Variants in SCGB2B2 observed in about 807,000 individuals in gnomAD.
SCGB2B2 encodes the protein secretoglobin-like protein.
Under a neutral mutation model 7.6 loss-of-function variants are expected in SCGB2B2, and 11 were observed. That is an observed-to-expected ratio of 1.45 (90% CI 0.91 to 2.40). SCGB2B2 has a LOEUF of 2.40. Among genes scored for constraint, SCGB2B2 ranks in the 30% most tolerant of loss-of-function variants. The pLI is 0.00. For missense variants in SCGB2B2, 104 were observed against 115.4 expected (o/e 0.90, Z 0.45); for synonymous variants, 50 against 48.6 (o/e 1.03, Z -0.12).
intron 1 of SCGB2B2, among the ~76,000 whole-genome samples, chr19:34,600,929 G>A (rs577673880): frequency 0.058 from 8,798 of 151,920 alleles, 332 homozygotes; most frequent in African/African-American, 0.11. Context: ...GTGTGTGTGT[G>A]TGTGTGTGTG....
chr19:34,627,845 T>C (rs1261917049), intron 1 of SCGB2B2, among the ~76,000 whole-genome samples: 1 of 152,178 alleles, frequency 6.6e-6, no homozygotes, highest in Non-Finnish European at 1.5e-5. Flanking sequence ...ATCGCACTTC[T>C]TCCAAAATTG....
At chr19:34,626,622 C>T (rs1316810282) in intron 1 of SCGB2B2, among the ~76,000 whole-genome samples, 1 of 152,190 alleles carries the variant, frequency 6.6e-6, no homozygotes, top group Non-Finnish European at 1.5e-5. Context: ...AAGACCAAAT[C>T]TATGTCTGAT....
chr19:34,628,555 A>G (rs543403683), intron 1 of SCGB2B2, among the ~76,000 whole-genome samples: 1 of 152,050 alleles, frequency 6.6e-6, no homozygotes, highest in Admixed American at 6.6e-5. Flanking sequence ...CACCCTCCCA[A>G]GACTAAACCG....
downstream of SCGB2B2, among the ~76,000 whole-genome samples, chr19:34,590,430 A>G (rs115351898): frequency 6.5e-3 from 991 of 152,234 alleles, 11 homozygotes; most frequent in African/African-American, 0.023. Flanking sequence ...TCATCTATCC[A>G]TAGATGCATC....
downstream of SCGB2B2, among the ~76,000 whole-genome samples, chr19:34,590,018 C>T (rs188831822): frequency 5.3e-5 from 8 of 152,308 alleles, no homozygotes; most frequent in Non-Finnish European, 7.4e-5. Flanking sequence ...TCATTGTTTA[C>T]TCATTTCTTC....
At chr19:34,625,645 A>G (rs1207293892) in intron 1 of SCGB2B2, among the ~76,000 whole-genome samples, 1 of 152,226 alleles carries the variant, frequency 6.6e-6, no homozygotes, top group Non-Finnish European at 1.5e-5. Flanking sequence ...GTGGAGCCCA[A>G]CACAGCTCAA....
intron 1 of SCGB2B2, among the ~76,000 whole-genome samples, chr19:34,597,595 T>C (rs2065495474): frequency 6.6e-6 from 1 of 152,218 alleles, no homozygotes; most frequent in Non-Finnish European, 1.5e-5. Context: ...CACTGTGGTC[T>C]GGGCTATGCG....
chr19:34,663,552 C>G (rs995533272), intron 1 of SCGB2B2, among the ~76,000 whole-genome samples: 1 of 152,182 alleles, frequency 6.6e-6, no homozygotes, highest in South Asian at 2.1e-4. Flanking sequence ...ACTAAAATAA[C>G]AGAAAACCAC....
At chr19:34,610,768 GT>G (rs548680772) in intron 1 of SCGB2B2, among the ~76,000 whole-genome samples, 2,747 of 139,698 alleles carry the variant, frequency 0.02, 34 homozygotes, top group South Asian at 0.044. Flanking sequence ...TTGGCCTATA[GT>G]TTTTTTTTTT....
rs529328027 is a variant in SCGB2B2, at chr19:34,628,574, T to C, written c.-2031-31980A>G. 7.2e-5 allele frequency among the ~76,000 whole-genome samples: 11 copies of C among 151,982 alleles called. No homozygotes were observed. In the East Asian group the frequency reaches 1.7e-3, roughly 24 times the overall value. ...CTCCCAAGACTAAACCGGGAAGAAGTTGAATCCCTGAATAGACCAATAACA... is the reference window on the plus strand; with the variant it reads ...CTCCCAAGACTAAACCGGGAAGAAGCTGAATCCCTGAATAGACCAATAACA... On this transcript the variant is annotated intron_variant, in intron 1 of 3. Coordinates refer to ENST00000601241, the MANE Select transcript of SCGB2B2 (RefSeq NM_001025591.4).
In SCGB2B2 at chr19:34,650,042, G is replaced by A. The variant is rs2067124118; in HGVS notation, c.-2032+25588C>T. ...TGAGGGCAATAACCGGGGCGTAAATGCCCTATGTGTCTCCAGCATGGGCTC... is the reference window on the plus strand; with the variant it reads ...TGAGGGCAATAACCGGGGCGTAAATACCCTATGTGTCTCCAGCATGGGCTC... On this transcript the variant is annotated intron_variant, in intron 1 of 3. Transcript: ENST00000601241. Among the ~76,000 whole-genome samples the A allele has an allele frequency of 2.0e-5, 3 of 151,342 alleles. No homozygotes were observed. The South Asian group carries it at 6.2e-4, about 31-fold the overall frequency.
At chr19:34,620,729 A>G (rs1456080737) in intron 1 of SCGB2B2, among the ~76,000 whole-genome samples, 4 of 152,226 alleles carry the variant, frequency 2.6e-5, no homozygotes, top group Admixed American at 2.0e-4. Context: ...TCATAGTTCC[A>G]ATGAGTTGGC....
chr19:34,606,811 C>T (rs949605117), intron 1 of SCGB2B2, among the ~76,000 whole-genome samples: 9 of 129,292 alleles, frequency 7.0e-5, no homozygotes, highest in African/African-American at 2.4e-4. Context: ...GGTATGGATG[C>T]ATTGTAAAAA....
At chr19:34,602,140 T>A (rs925892127) in intron 1 of SCGB2B2, among the ~76,000 whole-genome samples, 6 of 152,172 alleles carry the variant, frequency 3.9e-5, no homozygotes, top group South Asian at 2.1e-4. Flanking sequence ...CTAAGAGCAT[T>A]TTTTTAAAAA....
intron 1 of SCGB2B2, among the ~76,000 whole-genome samples, chr19:34,619,313 T>TTTAA (rs1231729661): frequency 6.6e-6 from 1 of 152,220 alleles, no homozygotes; most frequent in Non-Finnish European, 1.5e-5. Flanking sequence ...AAATATCAGC[T>TTTAA]TTAATTAAGT....
intron 1 of SCGB2B2, among the ~76,000 whole-genome samples, chr19:34,672,440 CT>C (rs2067826792): frequency 6.6e-6 from 1 of 152,036 alleles, no homozygotes; most frequent in African/African-American, 2.4e-5. Context: ...ATAGTTCTTT[CT>C]TGATACAGGC....
At chr19:34,658,330 C>G (rs1027590396) in intron 1 of SCGB2B2, among the ~76,000 whole-genome samples, 1 of 151,728 alleles carries the variant, frequency 6.6e-6, no homozygotes, top group Non-Finnish European at 1.5e-5. Flanking sequence ...TTGACAAGAT[C>G]AACAAAATAG....
chr19:34,641,043 C>T (rs1440821171), intron 1 of SCGB2B2, among the ~76,000 whole-genome samples: 1 of 149,898 alleles, frequency 6.7e-6, no homozygotes, highest in East Asian at 1.9e-4. Flanking sequence ...TGAATATATT[C>T]GGGGTGTGAT....
intron 1 of SCGB2B2, among the ~76,000 whole-genome samples, chr19:34,602,460 A>G (rs753292988): frequency 6.6e-6 from 1 of 152,164 alleles, no homozygotes; most frequent in Non-Finnish European, 1.5e-5. Flanking sequence ...CACTTATTCT[A>G]AGAGATCTAG....
Sources: gnomAD v4.1 joint callset for allele counts (sites outside exome capture counted in the v4.1 genomes callset) on GRCh38, gnomAD v4.1.1 for gene constraint, MANE v1.5 for transcripts, NCBI Gene and HGNC (gene_info 2026-07-23, HGNC 2026-07-21) for gene names.